The following BMP2K variants were observed in gnomAD, a reference collection of about 807,000 sequenced individuals.
BMP2K encodes BMP-2-inducible protein kinase.
BMP2K carries 74 observed loss-of-function variants against 116.0 expected under a neutral mutation model. That is an observed-to-expected ratio of 0.64 (90% CI 0.53 to 0.77). The LOEUF is 0.77. BMP2K is among the 30% of genes least tolerant of loss of function. The pLI, the probability that BMP2K is intolerant of heterozygous loss-of-function variation, is 0.00. For synonymous variants in BMP2K, 486 were observed against 502.5 expected, an observed-to-expected ratio of 0.97 and a Z score of 0.44; for missense variants, 1,365 against 1,403.6, an observed-to-expected ratio of 0.97 and a Z score of 0.44.
chr4:78,910,935 AGAG>A lies in BMP2K; in HGVS notation c.2392_2394del (p.Glu798del). ...TCATGGATTCTGAAGATGAGGAAGA[AGAG>A]GAGAAACATAGCTCTGATTCTGATT... On this transcript the variant is annotated inframe_deletion, in exon 16 of 16. Transcript: ENST00000502613. 3 of 1,613,834 alleles carry A rather than the reference AGAG, an allele frequency of 1.9e-6. No individual in the cohort carries two copies. Among genetic ancestry groups the A allele is most frequent in the Non-Finnish European group, 2.5e-6 (3 of 1,179,808 alleles).
intron 13 of BMP2K, among the ~76,000 whole-genome samples, chr4:78,876,815 T>C (rs561418937): frequency 6.6e-6 from 1 of 152,168 alleles, no homozygotes; most frequent in Non-Finnish European, 1.5e-5. Context: ...TTCTAAGAAA[T>C]TGCATCATTA....
chr4:78,790,618 A>G (rs2109932510), intron 1 of BMP2K, among the ~76,000 whole-genome samples: 1 of 152,310 alleles, frequency 6.6e-6, no homozygotes, highest in Admixed American at 6.5e-5. Context: ...ACTCAGTACA[A>G]AAAAAGATAA....
chr4:78,865,655 T>A lies in BMP2K; in HGVS notation c.1166T>A (p.Ile389Asn). The change falls in exon 10 of 16, where the codon ATT becomes AAT. Residue 389 changes from isoleucine to asparagine, a missense_variant. By Grantham distance (149) the Ile-to-Asn change is moderately radical. Around this residue, in one of 3 missense-constraint regions of BMP2K, gnomAD observed 762 missense variants for 756.7 expected, o/e 1.01. Transcript: ENST00000502613. Reference protein sequence around the residue: ...ATTATPSVLTIQSSATPVKVL... With the variant: ...ATTATPSVLTNQSSATPVKVL... The stretch of plus-strand genomic sequence containing the variant: ...ACTGCCACTCCCAGTGTGCTGACCA[T>A]TCAAAGTTCAGCAACACCTGTTAAA... 6.2e-7 allele frequency: 1 copy of A among 1,614,134 alleles called. No individual in the cohort carries two copies. Among genetic ancestry groups the A allele is most frequent in the Non-Finnish European group, 8.5e-7 (1 of 1,180,002 alleles).
chr4:78,787,283 T>G (rs1727774918), intron 1 of BMP2K, among the ~76,000 whole-genome samples: 1 of 152,224 alleles, frequency 6.6e-6, no homozygotes, highest in African/African-American at 2.4e-5. Flanking sequence ...GATAGAGATA[T>G]TTGTTAATAA....
Position 78,776,409 on chromosome 4 carries a change from G to A in BMP2K, c.-135G>A. The A allele has an allele frequency of 1.1e-6, 1 of 904,012 alleles. No individual in the cohort carries two copies. Among genetic ancestry groups the A allele is most frequent in the Non-Finnish European group, 1.4e-6 (1 of 732,034 alleles). 56.0% of individuals were successfully genotyped at this position (904,012 alleles called of 1,614,324 possible). A position where few individuals can be genotyped will look rare whatever the true frequency, so the allele number is the denominator to read the frequency against. On this transcript the variant is annotated 5_prime_UTR_variant, in exon 1 of 16. Coordinates refer to ENST00000502613, the MANE Select transcript of BMP2K (RefSeq NM_198892.2). ...CCAGGCTGTGCGCTTGGGGAGCGCG[G>A]AATGTGAGGCTTGGCGGGCCGCAGC...
chr4:78,844,978 T>C lies in BMP2K; in HGVS notation c.597T>C (p.Phe199=), dbSNP rs887999509. Residue 199 remains phenylalanine (F), a synonymous_variant, in exon 5 of 16, where the codon TTT becomes TTC. Transcript: ENST00000502613. The part of the protein sequence containing the change: ...NDGGNYVLCD[F]GSATNKFLNP... ...GTGGGAACTATGTACTTTGTGACTT[T>C]GGCAGTGCCACTAATAAATTTCTTA... 8.8e-6 allele frequency: 14 copies of C among 1,599,564 alleles called. No individual in the cohort carries two copies. The highest frequency in any genetic ancestry group is 1.1e-5 in the Non-Finnish European group (13 of 1,168,288).
chr4:78,818,975 T>A (rs1331192425), intron 1 of BMP2K, among the ~76,000 whole-genome samples: 1 of 152,062 alleles, frequency 6.6e-6, no homozygotes. Context: ...TTTTTGTATT[T>A]CTATTAGAGA....
In BMP2K at chr4:78,855,198, A is replaced by G. The variant is rs144998659; in HGVS notation, c.883+4142A>G. Among the ~76,000 whole-genome samples, 4 of 152,290 alleles carry G rather than the reference A, an allele frequency of 2.6e-5. 1 individual carries two copies. In the East Asian group the frequency reaches 7.7e-4, roughly 29 times the overall value. ...ATACTAAGATATGTAGGACATATAG[A>G]GTAACATGTAAGTTTCTATAACAAT... On this transcript the variant is annotated intron_variant, in intron 7 of 15. Coordinates refer to ENST00000502613, the MANE Select transcript of BMP2K (RefSeq NM_198892.2).
At chr4:78,783,036 T>C (rs1727581113) in intron 1 of BMP2K, among the ~76,000 whole-genome samples, 1 of 152,244 alleles carries the variant, frequency 6.6e-6, no homozygotes, top group East Asian at 1.9e-4. Context: ...AGTGAACTTT[T>C]AAGTTCCGAT....
At chr4:78,838,287 CAT>C (rs927064185) in intron 3 of BMP2K, among the ~76,000 whole-genome samples, 28 of 152,252 alleles carry the variant, frequency 1.8e-4, no homozygotes, top group African/African-American at 6.3e-4. Context: ...CGTCTCACAA[CAT>C]GTGGGATTTC....
chr4:78,825,236 A>G (rs368272855), intron 1 of BMP2K, among the ~76,000 whole-genome samples: 2 of 152,000 alleles, frequency 1.3e-5, no homozygotes, highest in Non-Finnish European at 2.9e-5. Flanking sequence ...CAAAAAACAG[A>G]ATTTCCATAT....
At chr4:78,844,071 C>CT (rs1730885935) in intron 4 of BMP2K, among the ~76,000 whole-genome samples, 1 of 151,632 alleles carries the variant, frequency 6.6e-6, no homozygotes, top group Admixed American at 6.6e-5. Flanking sequence ...TTATCTAAGA[C>CT]TATCATAAAA....
At chr4:78,869,428 T>C (rs926628344) in intron 10 of BMP2K, among the ~76,000 whole-genome samples, 2 of 152,066 alleles carry the variant, frequency 1.3e-5, no homozygotes, top group Non-Finnish European at 2.9e-5. Flanking sequence ...TTTAGCTAGA[T>C]AGGAAGAATA....
At chr4:78,783,007 A>AC (rs1247402714) in intron 1 of BMP2K, among the ~76,000 whole-genome samples, 1 of 152,238 alleles carries the variant, frequency 6.6e-6, no homozygotes, top group Admixed American at 6.5e-5. Context: ...GTGCATTGCC[A>AC]AATCTCTTCA....
At chr4:78,883,116 A>G (rs940537300) in intron 14 of BMP2K, among the ~76,000 whole-genome samples, 3 of 152,164 alleles carry the variant, frequency 2.0e-5, no homozygotes, top group Non-Finnish European at 4.4e-5. Context: ...ATCTGTATCA[A>G]TTAAAATTCT....
chr4:78,827,846 G>A (rs111331246), intron 2 of BMP2K, among the ~76,000 whole-genome samples: 1 of 152,204 alleles, frequency 6.6e-6, no homozygotes, highest in African/African-American at 2.4e-5. Context: ...TTTGATCAAA[G>A]TAGCAGCCAT....
intron 1 of BMP2K, among the ~76,000 whole-genome samples, chr4:78,825,373 A>G (rs1205681174): frequency 6.6e-6 from 1 of 152,188 alleles, no homozygotes; most frequent in Non-Finnish European, 1.5e-5. Context: ...TCTTTGTTCC[A>G]TTATGGCCAT....
At chr4:78,800,919 A>G (rs1357269006) in intron 1 of BMP2K, among the ~76,000 whole-genome samples, 1 of 152,238 alleles carries the variant, frequency 6.6e-6, no homozygotes, top group Non-Finnish European at 1.5e-5. Context: ...AACATTTAAT[A>G]GACCTTTCCT....
intron 9 of BMP2K, among the ~76,000 whole-genome samples, chr4:78,863,249 C>T (rs930886933): frequency 6.6e-6 from 1 of 151,896 alleles, no homozygotes; most frequent in African/African-American, 2.4e-5. Flanking sequence ...TTAGTGAAAA[C>T]TTGAAAAAAT....
Sources: gnomAD v4.1 joint callset for allele counts (sites outside exome capture counted in the v4.1 genomes callset) on GRCh38, gnomAD v4.1.1 for gene constraint, gnomAD v4.1.1 regional missense constraint, MANE v1.5 for transcripts, NCBI Gene and HGNC (gene_info 2026-07-23, HGNC 2026-07-21) for gene names.